COL19A1: variants seen among roughly 807,000 people sequenced by gnomAD.
COL19A1 encodes collagen type XIX alpha 1 chain.
COL19A1 carries 159 observed loss-of-function variants against 190.2 expected under a neutral mutation model. That is an observed-to-expected ratio of 0.84 (90% CI 0.73 to 0.95). The LOEUF (loss-of-function observed/expected upper bound fraction) is 0.95. COL19A1 is among the 40% of genes least tolerant of loss of function. COL19A1 has a pLI of 0.00. For synonymous variants in COL19A1, 509 were observed against 458.9 expected, an observed-to-expected ratio of 1.11 and a Z score of -1.39; for missense variants, 1,418 against 1,431.9, an observed-to-expected ratio of 0.99 and a Z score of 0.16.
chr6:69,922,733 G>A (rs941586577), intron 4 of COL19A1, among the ~76,000 whole-genome samples: 2 of 151,942 alleles, frequency 1.3e-5, no homozygotes, highest in South Asian at 2.1e-4. Flanking sequence ...TGCCCGCCTC[G>A]GCCTCCCAAA....
Position 69,987,416 on chromosome 6 carries a change from C to G in COL19A1, c.1026+24546C>G, listed in dbSNP as rs191161026. 8.3e-4 allele frequency among the ~76,000 whole-genome samples: 126 copies of G among 152,260 alleles called. 1 individual carries two copies. The highest frequency in any genetic ancestry group is 2.9e-5 in the Non-Finnish European group (2 of 68,022). On this transcript the variant is annotated intron_variant, in intron 11 of 50. Transcript: ENST00000620364. The stretch of plus-strand genomic sequence containing the variant: ...TAGACTTATTCTTGACCCAGACATA[C>G]GGCTATACTGAAGGAAAATTCATCA...
rs1045360568 is a variant in COL19A1 at position 69,982,014 on chromosome 6, A to G, written c.1026+19144A>G. Among the ~76,000 whole-genome samples the G allele has an allele frequency of 2.0e-5, 3 of 152,186 alleles. No homozygotes were observed. In the South Asian group the frequency reaches 6.2e-4, roughly 32 times the overall value. ...ATGAAATGACCAAGGAGCATGACAA[A>G]CATAATGCCAGGATTGTTGCCATCA... On this transcript the variant is annotated intron_variant, in intron 11 of 50. Transcript: ENST00000620364.
chr6:70,173,360 C>T lies in COL19A1; in HGVS notation c.2622+1343C>T, dbSNP rs1234888034. On this transcript the variant is annotated intron_variant, in intron 41 of 50. Coordinates refer to ENST00000620364, the MANE Select transcript of COL19A1 (RefSeq NM_001858.6). ...GGAATGCCAATAGAGTTTTTAGAAA[C>T]AGAAGAGTCAAGGATTGAGCCCCAA... Among the ~76,000 whole-genome samples, 3 of 152,102 alleles carry T rather than the reference C, an allele frequency of 2.0e-5. No homozygotes were observed. The East Asian group carries it at 5.8e-4, about 29-fold the overall frequency.
chr6:69,892,596 T>A (rs1769430010), intron 2 of COL19A1, among the ~76,000 whole-genome samples: 1 of 152,216 alleles, frequency 6.6e-6, no homozygotes, highest in Non-Finnish European at 1.5e-5. Flanking sequence ...GAATCTCAGA[T>A]AAGATCTTTT....
At chr6:69,921,513 T>TATATTCATATATATTC (rs1561998804) in intron 4 of COL19A1, among the ~76,000 whole-genome samples, 1 of 14,692 alleles carries the variant, frequency 6.8e-5, no homozygotes, top group African/African-American at 2.1e-4. Flanking sequence ...TATATTCATA[T>TATATTCATATATATTC]GTATATTCAT....
intron 36 of COL19A1, 90 bp from the exon 37 acceptor site, chr6:70,165,851 A>G: frequency 8.4e-7 from 1 of 1,189,408 alleles, no homozygotes; most frequent in South Asian, 1.2e-5. Flanking sequence ...TCGATTTCAG[A>G]AGATGGCTCT....
At chr6:70,062,860 A>C (rs1418524049) in intron 14 of COL19A1, among the ~76,000 whole-genome samples, 1 of 152,034 alleles carries the variant, frequency 6.6e-6, no homozygotes, top group Admixed American at 6.6e-5. Flanking sequence ...ACTTTAAACC[A>C]ACAAAGATCA....
chr6:70,168,120 T>C (rs1765276600), intron 38 of COL19A1, 45 bp downstream of exon 38: 2 of 1,603,468 alleles, frequency 1.2e-6, no homozygotes, highest in African/African-American at 2.7e-5. Context: ...TAGACTGCTG[T>C]AAATTCGTCT....
intron 11 of COL19A1, among the ~76,000 whole-genome samples, chr6:69,993,624 C>G (rs1021453271): frequency 6.6e-6 from 1 of 152,024 alleles, no homozygotes; most frequent in African/African-American, 2.4e-5. Context: ...ATTACTGATT[C>G]CATTTCAGAA....
chr6:69,958,447 A>G (rs1774566189), intron 9 of COL19A1, among the ~76,000 whole-genome samples: 1 of 152,150 alleles, frequency 6.6e-6, no homozygotes, highest in Non-Finnish European at 1.5e-5. Flanking sequence ...CCTGGCACCA[A>G]ATACTTAATG....
intron 15 of COL19A1, among the ~76,000 whole-genome samples, chr6:70,086,540 T>C (rs1244043181): frequency 1.3e-5 from 2 of 152,182 alleles, no homozygotes; most frequent in African/African-American, 4.8e-5. Flanking sequence ...GTTAATGCTG[T>C]GCTGTGGGAA....
intron 9 of COL19A1, among the ~76,000 whole-genome samples, chr6:69,952,699 A>C (rs1288645143): frequency 6.6e-6 from 1 of 151,988 alleles, no homozygotes; most frequent in East Asian, 1.9e-4. Flanking sequence ...GATGAGACTG[A>C]ATGAGGCAGA....
At chr6:70,176,475 C>G in intron 41 of COL19A1, 45 bp from the exon 42 acceptor site, 1 of 1,587,904 alleles carries the variant, frequency 6.3e-7, no homozygotes, top group Non-Finnish European at 8.6e-7. Context: ...TAACTAAAGA[C>G]TTCATTGATG....
intron 37 of COL19A1, 105 bp downstream of exon 37, chr6:70,166,090 T>A: frequency 1.0e-6 from 1 of 969,832 alleles, no homozygotes; most frequent in East Asian, 2.4e-5. Flanking sequence ...AAAATTCTTC[T>A]GAATTTCGTG....
chr6:70,170,567 A>G (rs1239130471), intron 40 of COL19A1, among the ~76,000 whole-genome samples: 1 of 152,150 alleles, frequency 6.6e-6, no homozygotes, highest in Non-Finnish European at 1.5e-5. Context: ...ACTTTCAACA[A>G]ATGTTGATTG....
intron 48 of COL19A1, among the ~76,000 whole-genome samples, chr6:70,193,057 G>A (rs2150300045): frequency 6.6e-6 from 1 of 151,578 alleles, no homozygotes; most frequent in South Asian, 2.1e-4. Flanking sequence ...CCATCTTTTT[G>A]GAAGCTGATT....
intron 23 of COL19A1, 70 bp from the exon 24 acceptor site, chr6:70,144,140 A>G: frequency 7.5e-7 from 1 of 1,326,422 alleles, no homozygotes; most frequent in Non-Finnish European, 1.1e-6. Flanking sequence ...ACAGAGATTC[A>G]CAGATATAGG....
chr6:69,904,487 A>C (rs910546158), intron 4 of COL19A1, among the ~76,000 whole-genome samples: 1 of 152,294 alleles, frequency 6.6e-6, no homozygotes, highest in Admixed American at 6.5e-5. Flanking sequence ...GTGGCCAGGC[A>C]GGGAGGGGCA....
At chr6:70,104,326 G>A (rs1399190223) in intron 16 of COL19A1, among the ~76,000 whole-genome samples, 1 of 152,146 alleles carries the variant, frequency 6.6e-6, no homozygotes, top group Non-Finnish European at 1.5e-5. Context: ...AAGGTCTCAG[G>A]AAACTTACAG....
Sources: gnomAD v4.1 joint callset for allele counts (sites outside exome capture counted in the v4.1 genomes callset) on GRCh38, gnomAD v4.1.1 for gene constraint, MANE v1.5 for transcripts, NCBI Gene and HGNC (gene_info 2026-07-23, HGNC 2026-07-21) for gene names.